The following ZNF705A variants were observed in gnomAD, a reference collection of about 807,000 sequenced individuals.
ZNF705A encodes zinc finger protein 705A.
Under a neutral mutation model 16.6 loss-of-function variants are expected in ZNF705A, and 8 were observed. That is an observed-to-expected ratio of 0.48 (90% confidence interval 0.28 to 0.87). The LOEUF is 0.87. Ranked by LOEUF, ZNF705A falls within the 40% of genes least tolerant of loss-of-function variation. The pLI, the probability that ZNF705A is intolerant of heterozygous loss-of-function variation, is 0.10. For missense variants in ZNF705A, 233 were observed against 359.9 expected (o/e 0.65, Z 2.85); for synonymous variants, 73 against 117.3 (o/e 0.62, Z 2.44).
At chr12:8,170,189 C>A (rs910412097), upstream of ZNF705A, among the ~76,000 whole-genome samples, 14 of 125,890 alleles carry the variant, frequency 1.1e-4, 1 homozygote, top group East Asian at 2.0e-4. Context: ...AACTCTCCCC[C>A]CCCCCCCAAA....
At chr12:8,169,358 GATA>G, upstream of ZNF705A, among the ~76,000 whole-genome samples, 1 of 152,260 alleles carries the variant, frequency 6.6e-6, no homozygotes. Context: ...ATCCTGTCAA[GATA>G]ATAGGATTTT....
At chr12:8,164,316 T>C (rs1424263623) in intron 1 of ZNF705A, among the ~76,000 whole-genome samples, 4 of 152,242 alleles carry the variant, frequency 2.6e-5, no homozygotes, top group African/African-American at 7.2e-5. Flanking sequence ...AGATTTCAAA[T>C]ACAAGTGAAA....
intron 1 of ZNF705A, among the ~76,000 whole-genome samples, chr12:8,159,008 T>C (rs1001851865): frequency 9.2e-5 from 14 of 152,282 alleles, no homozygotes; most frequent in African/African-American, 3.1e-4. Context: ...TGTATCATTC[T>C]TATGCCTTGT....
intron 1 of ZNF705A, among the ~76,000 whole-genome samples, 184 bp from the exon 3 acceptor site, chr12:8,174,142 T>G (rs1948466319): frequency 6.6e-6 from 1 of 152,118 alleles, no homozygotes; most frequent in Non-Finnish European, 1.5e-5. Flanking sequence ...GGATTCAGAG[T>G]GGGTATATCT....
At chr12:8,174,695 G>A (rs186742439) in intron 2 of ZNF705A, among the ~76,000 whole-genome samples, 18 of 152,082 alleles carry the variant, frequency 1.2e-4, no homozygotes, top group Admixed American at 3.3e-4. Context: ...GGTTTCTTTG[G>A]TACTCAGTCT....
chr12:8,171,223 T>G (rs575109554), upstream of ZNF705A, among the ~76,000 whole-genome samples: 7 of 152,336 alleles, frequency 4.6e-5, no homozygotes, highest in Non-Finnish European at 1.0e-4. Context: ...CTGGACTTCA[T>G]GTACAAATGG....
At chr12:8,163,243 A>AT (rs1192241804) in intron 1 of ZNF705A, among the ~76,000 whole-genome samples, 1 of 152,220 alleles carries the variant, frequency 6.6e-6, no homozygotes, top group Non-Finnish European at 1.5e-5. Flanking sequence ...ATTCTCAATC[A>AT]TTACTATGCA....
At chr12:8,159,667 CT>C (rs968051188) in intron 1 of ZNF705A, among the ~76,000 whole-genome samples, 1 of 143,282 alleles carries the variant, frequency 7.0e-6, no homozygotes, top group African/African-American at 2.6e-5. Context: ...TGTTTGTTTT[CT>C]TTTTTGTTTG....
At chr12:8,174,481 G>A (rs1037175834) in intron 2 of ZNF705A, 29 bp downstream of exon 3, 2 of 1,592,574 alleles carry the variant, frequency 1.3e-6, no homozygotes, top group African/African-American at 2.7e-5. Flanking sequence ...ACGTACATAT[G>A]TAGACACACA....
intron 1 of ZNF705A, among the ~76,000 whole-genome samples, chr12:8,158,619 T>C (rs919149122): frequency 1.3e-5 from 2 of 152,112 alleles, no homozygotes; most frequent in African/African-American, 2.4e-5. Context: ...GGAAGTATTT[T>C]TGTAAATATT....
intron 4 of ZNF705A, 91 bp from the exon 6 acceptor site, chr12:8,176,908 T>G: frequency 6.4e-7 from 1 of 1,555,912 alleles, no homozygotes; most frequent in Non-Finnish European, 8.8e-7. Flanking sequence ...GGTCTACCAC[T>G]GAATGTTTGG....
chr12:8,175,995 G>A, intron 4 of ZNF705A, 53 bp downstream of exon 5: 2 of 1,604,754 alleles, frequency 1.2e-6, no homozygotes, highest in South Asian at 2.2e-5. Flanking sequence ...CATGGTAATG[G>A]GTTAAGTTAG....
exon 5 of ZNF705A, chr12:8,177,325 T>G (rs1235661702): frequency 6.2e-7 from 1 of 1,611,828 alleles, no homozygotes; most frequent in Non-Finnish European, 8.5e-7. Flanking sequence ...GTTCTCACCT[T>G]AGAAGACATG....
At chr12:8,169,917 C>T (rs1211418595), upstream of ZNF705A, among the ~76,000 whole-genome samples, 1 of 152,088 alleles carries the variant, frequency 6.6e-6, no homozygotes, top group Non-Finnish European at 1.5e-5. Flanking sequence ...GGGCCGGGCA[C>T]GGTGGCTCAC....
intron 1 of ZNF705A, among the ~76,000 whole-genome samples, chr12:8,173,520 C>T (rs1001911872): frequency 3.3e-5 from 5 of 152,050 alleles, no homozygotes; most frequent in Admixed American, 6.5e-5. Context: ...TTTGGATTGC[C>T]GAGAGAAAGT....
At chr12:8,166,836 C>T (rs1948403155) in intron 1 of ZNF705A, among the ~76,000 whole-genome samples, 1 of 152,260 alleles carries the variant, frequency 6.6e-6, no homozygotes, top group Admixed American at 6.5e-5. Context: ...GCCCAGCCCA[C>T]AAAACCATTC....
chr12:8,171,478 T>C (rs1316443706), upstream of ZNF705A, among the ~76,000 whole-genome samples: 1 of 152,134 alleles, frequency 6.6e-6, no homozygotes, highest in East Asian at 1.9e-4. Flanking sequence ...CAAAGACTAA[T>C]ATAAACCACG....
upstream of ZNF705A, among the ~76,000 whole-genome samples, chr12:8,171,769 C>T (rs745661471): frequency 6.6e-6 from 1 of 152,234 alleles, no homozygotes; most frequent in Non-Finnish European, 1.5e-5. Context: ...CAGAGTCTCG[C>T]TCTGTCACCC....
At chr12:8,162,535 C>G (rs775030438) in intron 1 of ZNF705A, among the ~76,000 whole-genome samples, 3 of 152,260 alleles carry the variant, frequency 2.0e-5, no homozygotes, top group South Asian at 4.1e-4. Flanking sequence ...ATCTTTCCTT[C>G]AAGAGCTGAG....
Sources: gnomAD v4.1 joint callset for allele counts (sites outside exome capture counted in the v4.1 genomes callset) on GRCh38, gnomAD v4.1.1 for gene constraint, MANE v1.5 for transcripts, NCBI Gene and HGNC (gene_info 2026-07-23, HGNC 2026-07-21) for gene names.